The following PHACTR2 variants were observed in gnomAD, a reference collection of about 807,000 sequenced individuals.
The protein encoded by PHACTR2 is chromosome 6 open reading frame 56.
PHACTR2 carries 30 observed loss-of-function variants against 76.0 expected under a neutral mutation model. The observed-to-expected ratio is 0.39, with a 90% CI of 0.30 to 0.54. The LOEUF (loss-of-function observed/expected upper bound fraction) is 0.54. Ranked by LOEUF, PHACTR2 falls within the 20% of genes least tolerant of loss-of-function variation. The probability of loss-of-function intolerance (pLI) is 0.61; values close to 1 mark genes in which losing one functional copy is unlikely to be tolerated. For missense variants in PHACTR2, 696 were observed against 781.1 expected (o/e 0.89, Z 1.30); for synonymous variants, 292 against 292.5 (o/e 1.00, Z 0.02).
rs552102668 is a variant in PHACTR2, at chr6:143,733,169, T to G, written c.215-15816T>G. Among the ~76,000 whole-genome samples, 14 of 152,310 alleles carry G rather than the reference T, an allele frequency of 9.2e-5. No homozygotes were observed. In the South Asian group the frequency reaches 2.9e-3, roughly 32 times the overall value. On this transcript the variant is annotated intron_variant, in intron 2 of 12. Coordinates refer to ENST00000440869, the MANE Select transcript of PHACTR2 (RefSeq NM_001100164.2). This position sits in a 1 kb window ranked among gnomAD's most constrained non-coding sequence, Gnocchi z 4.0. ...ACCTTGACCTCCCAAAGTGCTGGGATTATAGATGTGAGCCACCATGCCTAG... is the reference window on the plus strand; with the variant it reads ...ACCTTGACCTCCCAAAGTGCTGGGAGTATAGATGTGAGCCACCATGCCTAG...
intron 1 of PHACTR2, among the ~76,000 whole-genome samples, chr6:143,703,438 C>A (rs1777962417): frequency 6.6e-6 from 1 of 152,082 alleles, no homozygotes. Flanking sequence ...TCCCAACTGC[C>A]TTTAGATAAC....
At chr6:143,715,227 A>C (rs1009059236) in intron 2 of PHACTR2, among the ~76,000 whole-genome samples, 5 of 152,168 alleles carry the variant, frequency 3.3e-5, no homozygotes, top group African/African-American at 1.2e-4. Context: ...GTCCTGCCTT[A>C]ATGTCCAAAA....
At chr6:143,726,075 A>C (rs77426140) in intron 2 of PHACTR2, among the ~76,000 whole-genome samples, 1 of 152,146 alleles carries the variant, frequency 6.6e-6, no homozygotes, top group African/African-American at 2.4e-5. Context: ...TCTTGTGTAC[A>C]TTCTTGTGTG....
intron 1 of PHACTR2, among the ~76,000 whole-genome samples, chr6:143,638,581 A>G (rs1200272882): frequency 1.2e-5 from 1 of 83,286 alleles, no homozygotes; most frequent in Non-Finnish European, 4.0e-5. Context: ...ACACATACAC[A>G]CACACACACA....
intron 1 of PHACTR2, among the ~76,000 whole-genome samples, chr6:143,705,789 GTCCT>G (rs1778039320): frequency 6.6e-6 from 1 of 152,096 alleles, no homozygotes; most frequent in South Asian, 2.1e-4. Context: ...CCTGGCTAAG[GTCCT>G]GTTTGTCAGC....
At chr6:143,802,480 T>G (rs113153767) in intron 11 of PHACTR2, among the ~76,000 whole-genome samples, 14 of 69,844 alleles carry the variant, frequency 2.0e-4, no homozygotes, top group African/African-American at 5.3e-4. Flanking sequence ...TCTCCACAAA[T>G]TTTTTTTTTT....
chr6:143,603,231 G>C (rs367893315), upstream of PHACTR2, among the ~76,000 whole-genome samples: 1 of 151,422 alleles, frequency 6.6e-6, no homozygotes, highest in East Asian at 1.9e-4. Context: ...ACAATTTGCT[G>C]TTAAAAAATT....
At chr6:143,670,136 G>C (rs139280103) in intron 1 of PHACTR2, among the ~76,000 whole-genome samples, 2,784 of 152,274 alleles carry the variant, frequency 0.018, 86 homozygotes, top group African/African-American at 0.062. Flanking sequence ...GAAATTCTGG[G>C]TTGAAAATTC....
rs893125712 is a variant in PHACTR2, at chr6:143,772,841, T to C, written c.1432+384T>C. Among the ~76,000 whole-genome samples, 4 of 152,202 alleles carry C rather than the reference T, an allele frequency of 2.6e-5. No homozygotes were observed. Among genetic ancestry groups the C allele is most frequent in the Non-Finnish European group, 4.4e-5 (3 of 68,048 alleles). On this transcript the variant is annotated intron_variant, in intron 7 of 12. Transcript: ENST00000440869. This position sits in a 1 kb window ranked among gnomAD's most constrained non-coding sequence, Gnocchi z 5.4. ...CAGTGCAGATTCATAGGCTTACTCA[T>C]TGGAGGTGTTTGAAATTTTCACTCG...
rs114744015 is a variant in PHACTR2 at position 143,556,228 on chromosome 6, C to A, written c.217+19021C>A. Among the ~76,000 whole-genome samples, 1,134 of 152,282 alleles carry A rather than the reference C, an allele frequency of 7.4e-3. 21 individuals are homozygous for A. Among genetic ancestry groups the A allele is most frequent in the African/African-American group, 0.024 (1,008 of 41,550 alleles). On this transcript the variant is annotated intron_variant, in intron 1 of 11. Coordinates refer to the PHACTR2 transcript ENST00000367584. The surrounding 1 kb of genome is among the most constrained non-coding windows in gnomAD (Gnocchi z 4.3). ...ATACCAGCTACTGTATAATTCGGCCCCAGTTCATTTCAGACTTTCTTCCTT... is the reference window on the plus strand; with the variant it reads ...ATACCAGCTACTGTATAATTCGGCCACAGTTCATTTCAGACTTTCTTCCTT...
At position 143,755,211 on chromosome 6, in the gene PHACTR2, A is replaced by G; in HGVS notation, c.454+1299A>G. Reference sequence around the variant, plus strand: ...TAATATTCCTGGAACATAAAAAGAAAGTAGACTTAAATAAATTTTAGTGGG... The same window carrying G: ...TAATATTCCTGGAACATAAAAAGAAGGTAGACTTAAATAAATTTTAGTGGG... On this transcript the variant is annotated intron_variant, in intron 4 of 12. Coordinates refer to ENST00000440869, the MANE Select transcript of PHACTR2 (RefSeq NM_001100164.2). This position sits in a 1 kb window ranked among gnomAD's most constrained non-coding sequence, Gnocchi z 5.2. 2.2e-6 allele frequency: 1 copy of G among 451,198 alleles called. No individual in the cohort carries two copies. The highest frequency in any genetic ancestry group is 4.5e-6 in the Non-Finnish European group (1 of 223,514). 27.9% of individuals were successfully genotyped at this position (451,198 alleles called of 1,614,324 possible). A position where few individuals can be genotyped will look rare whatever the true frequency, so the allele number is the denominator to read the frequency against.
In PHACTR2 at chr6:143,784,092, T is replaced by C. The variant is rs1775497073; in HGVS notation, c.1707+812T>C. 6.6e-6 allele frequency among the ~76,000 whole-genome samples: 1 copy of C among 152,110 alleles called. No homozygotes were observed. Among genetic ancestry groups the C allele is most frequent in the Admixed American group, 6.6e-5 (1 of 15,266 alleles). Reference sequence around the variant, plus strand: ...AGTTTTTAATTATGATAAAAATTATTTCTTAAAATGCTCACACTTTCCATT... The same window carrying C: ...AGTTTTTAATTATGATAAAAATTATCTCTTAAAATGCTCACACTTTCCATT... On this transcript the variant is annotated intron_variant, in intron 10 of 12. Transcript: ENST00000440869. The surrounding 1 kb of genome is among the most constrained non-coding windows in gnomAD (Gnocchi z 4.5).
rs1240318139 is a variant in PHACTR2 at position 143,602,117 on chromosome 6, A to G, written c.217+64910A>G. On this transcript the variant is annotated intron_variant, in intron 1 of 11. Transcript: ENST00000367584. The surrounding 1 kb of genome is among the most constrained non-coding windows in gnomAD (Gnocchi z 6.1). ...TAGTCACCTCATTGTGCTGCCTAAC[A>G]TTAGTTCCTTTAGTTTTGTTTTCAC... Among the ~76,000 whole-genome samples, 1 of 152,178 alleles carries G rather than the reference A, an allele frequency of 6.6e-6. No homozygotes were observed. Among genetic ancestry groups the G allele is most frequent in the Non-Finnish European group, 1.5e-5 (1 of 68,026 alleles).
intron 10 of PHACTR2, among the ~76,000 whole-genome samples, chr6:143,788,370 C>A (rs1775600639): frequency 6.6e-6 from 1 of 152,138 alleles, no homozygotes; most frequent in Non-Finnish European, 1.5e-5. Context: ...TTTTTATTCC[C>A]ATTTCTAAAA....
chr6:143,636,205 C>T (rs1317187743), intron 1 of PHACTR2, among the ~76,000 whole-genome samples: 1 of 143,072 alleles, frequency 7.0e-6, no homozygotes, highest in East Asian at 2.0e-4. Context: ...CAGAGTCAGA[C>T]CTGTCTCAGA....
chr6:143,786,205 T>TACC (rs928264762), intron 10 of PHACTR2, among the ~76,000 whole-genome samples: 1 of 152,222 alleles, frequency 6.6e-6, no homozygotes, highest in Admixed American at 6.5e-5. Flanking sequence ...TTCTGCCAGA[T>TACC]ACCCTAAATC....
At position 143,826,196 on chromosome 6, in the gene PHACTR2, T is replaced by G. The variant is rs944942835; in HGVS notation, c.*2507T>G. ...GAGCTAAGCTGTATTTTGCAGAATA[T>G]GGTTCTATTTTAGTAGAGCAGAGAT... On this transcript the variant is annotated 3_prime_UTR_variant, in exon 13 of 13. Coordinates refer to ENST00000440869, the MANE Select transcript of PHACTR2 (RefSeq NM_001100164.2). 1 of 152,310 alleles carries G rather than the reference T, an allele frequency of 6.6e-6. No homozygotes were observed. Among genetic ancestry groups the G allele is most frequent in the Non-Finnish European group, 1.5e-5 (1 of 68,030 alleles). The allele number at this position is 152,310 out of a possible 1,614,324, so 9.4% of individuals were successfully genotyped here.
rs774960298 is a variant in PHACTR2 at position 143,765,446 on chromosome 6, A to G, written c.880A>G (p.Thr294Ala). The G allele has an allele frequency of 4.3e-6, 7 of 1,614,248 alleles. No homozygotes were observed. Among genetic ancestry groups the G allele is most frequent in the Non-Finnish European group, 5.9e-6 (7 of 1,180,044 alleles). Reference protein sequence around the residue: ...QPITSHLSSDTTTSGTSDLKG... With the variant: ...QPITSHLSSDATTSGTSDLKG... ...AATAACTTCTCACCTGTCCTCAGAC[A>G]CAACAACTTCTGGCACATCCGACCT... The change falls in exon 6 of 13, where the codon ACA (threonine) becomes GCA (alanine). Residue 294 changes from threonine (T) to alanine (A), a missense_variant. Around this residue, in one of 2 missense-constraint regions of PHACTR2, gnomAD observed 460 missense variants for 450.9 expected, o/e 1.02. Transcript: ENST00000440869. This position sits in a 1 kb window ranked among gnomAD's most constrained non-coding sequence, Gnocchi z 4.1.
intron 2 of PHACTR2, among the ~76,000 whole-genome samples, chr6:143,720,791 T>A (rs973992032): frequency 4.6e-5 from 7 of 152,186 alleles, no homozygotes; most frequent in African/African-American, 1.4e-4. Flanking sequence ...TTTTGTGTTA[T>A]TTGTGGAGAC....
Sources: allele counts gnomAD v4.1 joint callset (sites outside exome capture counted in the v4.1 genomes callset), GRCh38; gene constraint gnomAD v4.1.1; regional missense constraint gnomAD v4.1.1; non-coding constraint Gnocchi (gnomAD v3.1); transcripts MANE v1.5; gene names NCBI Gene and HGNC (gene_info 2026-07-23, HGNC 2026-07-21).